The following FAXC variants were observed in gnomAD, a reference collection of about 807,000 sequenced individuals.
FAXC encodes failed axon connections homolog.
Under a neutral mutation model 41.9 loss-of-function variants are expected in FAXC, and 10 were observed. That is an observed-to-expected ratio of 0.24 (90% CI 0.15 to 0.41). The LOEUF is 0.41. Ranked by LOEUF, FAXC falls within the 10% of genes least tolerant of loss-of-function variation. The pLI, the probability that FAXC is intolerant of heterozygous loss-of-function variation, is 1.00. For missense variants in FAXC, 399 were observed against 510.9 expected (o/e 0.78, Z 2.11); for synonymous variants, 183 against 183.8 (o/e 1.00, Z 0.03).
At position 99,281,260 on chromosome 6, in the gene FAXC, A is replaced by C; in HGVS notation, c.1134T>G (p.Ser378Arg). The C allele has an allele frequency of 6.2e-7, 1 of 1,614,034 alleles. No homozygotes were observed. The highest frequency in any genetic ancestry group is 8.5e-7 in the Non-Finnish European group (1 of 1,179,948). The change falls in exon 6 of 6, where the codon AGT becomes AGG. Residue 378 changes from serine to arginine, a missense_variant. Ser to Arg is a moderately radical substitution (Grantham distance 110). Transcript: ENST00000389677. ...AATCTGTGTCTGGGGTTCTGGAAAAACTGTTTTCTGCTCCCTCATCTTCAA... is the reference window on the plus strand; with the variant it reads ...AATCTGTGTCTGGGGTTCTGGAAAACCTGTTTTCTGCTCCCTCATCTTCAA... Reference protein sequence around the residue: ...ETFEDEGAENSFSRTPDTDFT... With the variant: ...ETFEDEGAENRFSRTPDTDFT...
intron 4 of FAXC, among the ~76,000 whole-genome samples, chr6:99,292,682 G>T (rs1582626037): frequency 6.6e-6 from 1 of 152,214 alleles, no homozygotes; most frequent in South Asian, 2.1e-4. Flanking sequence ...TCTGGAAATG[G>T]GGATGAAACT....
intron 4 of FAXC, among the ~76,000 whole-genome samples, chr6:99,316,835 A>G (rs1470870186): frequency 6.6e-6 from 1 of 152,236 alleles, no homozygotes; most frequent in East Asian, 1.9e-4. Context: ...TGATTGTTTT[A>G]TTCTACAGCA....
rs1486250901 is a variant in FAXC, at chr6:99,271,600, G to A, written c.*9564C>T. ...AGTTTTGATTTTGGGATACTCAACT[G>A]GTATAATGCAAATATTTCAAAATCT... is the stretch of plus-strand genomic sequence containing the variant. On this transcript the variant is annotated 3_prime_UTR_variant, in exon 6 of 6. Transcript: ENST00000389677. The A allele has an allele frequency of 6.6e-6, 1 of 152,068 alleles. No individual in the cohort carries two copies. The highest frequency in any genetic ancestry group is 1.5e-5 in the Non-Finnish European group (1 of 68,020). The allele number at this position is 152,068 out of a possible 1,614,324, so 9.4% of individuals were successfully genotyped here.
chr6:99,318,530 T>C (rs1772463171), intron 4 of FAXC, among the ~76,000 whole-genome samples: 1 of 152,186 alleles, frequency 6.6e-6, no homozygotes, highest in Admixed American at 6.5e-5. Flanking sequence ...CCTTCCCAAA[T>C]TTCTACAATA....
chr6:99,281,095 G>T lies in FAXC; in HGVS notation c.*69C>A, dbSNP rs1047844750. 5.2e-6 allele frequency: 4 copies of T among 772,530 alleles called. No homozygotes were observed. The highest frequency in any genetic ancestry group is 9.4e-6 in the Non-Finnish European group (4 of 426,890). The allele number at this position is 772,530 out of a possible 1,614,324, so 47.9% of individuals were successfully genotyped here. On this transcript the variant is annotated 3_prime_UTR_variant, in exon 6 of 6. Transcript: ENST00000389677. ...GATCTCCTCCCAGCTCGGATGGATTGCTACCTGGGAAAATGGACCGACCCA... is the reference window on the plus strand; with the variant it reads ...GATCTCCTCCCAGCTCGGATGGATTTCTACCTGGGAAAATGGACCGACCCA...
At chr6:99,346,584 T>C (rs1582695944) in intron 1 of FAXC, among the ~76,000 whole-genome samples, 1 of 112,118 alleles carries the variant, frequency 8.9e-6, no homozygotes, top group Non-Finnish European at 1.7e-5. Context: ...GTTTGTTTTT[T>C]AGTAGACGGG....
At chr6:99,283,409 G>C (rs1770907209) in intron 5 of FAXC, among the ~76,000 whole-genome samples, 1 of 152,068 alleles carries the variant, frequency 6.6e-6, no homozygotes, top group Non-Finnish European at 1.5e-5. Flanking sequence ...CTTGATTGCT[G>C]TTTTACTTAC....
At position 99,273,278 on chromosome 6, in the gene FAXC, T is replaced by A. The variant is rs1770478831; in HGVS notation, c.*7886A>T. 6.6e-6 allele frequency: 1 copy of A among 152,008 alleles called. No individual in the cohort carries two copies. The highest frequency in any genetic ancestry group is 1.5e-5 in the Non-Finnish European group (1 of 68,026). The allele number at this position is 152,008 out of a possible 1,614,324, so 9.4% of individuals were successfully genotyped here. Reference sequence around the variant, plus strand: ...CAACATTGGCCCTTCCTATCTCAGATACCTAAAAATAAGTCTGCACATCTT... The same window carrying A: ...CAACATTGGCCCTTCCTATCTCAGAAACCTAAAAATAAGTCTGCACATCTT... On this transcript the variant is annotated 3_prime_UTR_variant, in exon 6 of 6. Coordinates refer to ENST00000389677, the MANE Select transcript of FAXC (RefSeq NM_032511.4).
rs1770648441 is a variant in FAXC at position 99,276,907 on chromosome 6, T to C, written c.*4257A>G. ...ATTTAATGGTATGTGACTCACTCTC[T>C]GAGCATCTTTCCCATGCAACCTTCA... On this transcript the variant is annotated 3_prime_UTR_variant, in exon 6 of 6. Transcript: ENST00000389677. The C allele has an allele frequency of 6.6e-6, 1 of 152,248 alleles. No individual in the cohort carries two copies. Among genetic ancestry groups the C allele is most frequent in the South Asian group, 2.1e-4 (1 of 4,834 alleles). The allele number at this position is 152,248 out of a possible 1,614,324, so 9.4% of individuals were successfully genotyped here.
intron 1 of FAXC, among the ~76,000 whole-genome samples, 190 bp downstream of exon 1, chr6:99,348,917 T>C (rs962228433): frequency 1.3e-5 from 2 of 152,140 alleles, no homozygotes; most frequent in South Asian, 4.1e-4. Context: ...CCGGTTTAAT[T>C]CTCCTTTCAA....
chr6:99,342,279 T>C (rs190515056), intron 2 of FAXC, among the ~76,000 whole-genome samples: 4 of 151,678 alleles, frequency 2.6e-5, no homozygotes, highest in African/African-American at 7.3e-5. Context: ...AAAAACCACA[T>C]CAGGCAGTGG....
At chr6:99,314,447 G>A (rs540342714) in intron 4 of FAXC, among the ~76,000 whole-genome samples, 5 of 152,202 alleles carry the variant, frequency 3.3e-5, no homozygotes, top group African/African-American at 4.8e-5. Context: ...GGTAGCACAC[G>A]CCTGTGGTCC....
chr6:99,347,229 C>T (rs939513681), intron 1 of FAXC, among the ~76,000 whole-genome samples: 1 of 152,038 alleles, frequency 6.6e-6, no homozygotes, highest in Non-Finnish European at 1.5e-5. Context: ...CGGTGAAACC[C>T]TATCTCTACT....
intron 5 of FAXC, among the ~76,000 whole-genome samples, chr6:99,289,365 A>G (rs939097665): frequency 3.3e-5 from 5 of 152,178 alleles, no homozygotes; most frequent in Non-Finnish European, 5.9e-5. Flanking sequence ...AAATATCATA[A>G]GTCAGCTGGG....
intron 2 of FAXC, among the ~76,000 whole-genome samples, chr6:99,338,839 C>A (rs1582686446): frequency 6.6e-6 from 1 of 152,210 alleles, no homozygotes; most frequent in Non-Finnish European, 1.5e-5. Flanking sequence ...CTTCTCCCTG[C>A]TGCTCTCTCT....
At chr6:99,332,343 C>T (rs1773055973) in intron 3 of FAXC, among the ~76,000 whole-genome samples, 1 of 152,108 alleles carries the variant, frequency 6.6e-6, no homozygotes, top group South Asian at 2.1e-4. Flanking sequence ...CCAGCATCTG[C>T]CTGCAGATAA....
intron 5 of FAXC, among the ~76,000 whole-genome samples, chr6:99,287,079 A>G (rs983920743): frequency 6.6e-6 from 1 of 152,196 alleles, no homozygotes; most frequent in South Asian, 2.1e-4. Context: ...AATATTAGTA[A>G]AAGTTATTTA....
intron 4 of FAXC, among the ~76,000 whole-genome samples, chr6:99,316,016 T>C (rs2128457855): frequency 6.6e-6 from 1 of 152,212 alleles, no homozygotes; most frequent in Non-Finnish European, 1.5e-5. Flanking sequence ...CAAACAAACA[T>C]TAGGTTTTAG....
intron 4 of FAXC, among the ~76,000 whole-genome samples, chr6:99,306,438 T>A (rs1771924556): frequency 6.6e-6 from 1 of 152,156 alleles, no homozygotes; most frequent in South Asian, 2.1e-4. Flanking sequence ...GTTGGGAGGA[T>A]GAAGAGTTCT....
Sources: gnomAD v4.1 joint callset for allele counts (sites outside exome capture counted in the v4.1 genomes callset) on GRCh38, gnomAD v4.1.1 for gene constraint, MANE v1.5 for transcripts, NCBI Gene and HGNC (gene_info 2026-07-23, HGNC 2026-07-21) for gene names.